RYR2: variants seen among roughly 807,000 people sequenced by gnomAD.
RYR2 encodes ryanodine receptor 2.
Under a neutral mutation model 601.1 loss-of-function variants are expected in RYR2, and 227 were observed. The ratio of observed to expected loss-of-function variants is 0.38; its 90% confidence interval spans 0.34 to 0.42. The LOEUF is 0.42. Ranked by LOEUF, RYR2 falls within the 10% of genes least tolerant of loss-of-function variation. RYR2 has a pLI of 1.00. For synonymous variants in RYR2, 2,223 were observed against 2,175.1 expected, an observed-to-expected ratio of 1.02 and a Z score of -0.61; for missense variants, 4,646 against 6,156.5, an observed-to-expected ratio of 0.75 and a Z score of 8.21.
intron 2 of RYR2, among the ~76,000 whole-genome samples, chr1:237,311,686 C>G (rs1299575314): frequency 6.6e-6 from 1 of 151,916 alleles, no homozygotes; most frequent in Non-Finnish European, 1.5e-5. Context: ...ACCATGTTGC[C>G]CAGTCTAGTC....
At chr1:237,755,377 G>C (rs1330731919) in intron 80 of RYR2, among the ~76,000 whole-genome samples, 2 of 152,062 alleles carry the variant, frequency 1.3e-5, no homozygotes, top group Non-Finnish European at 2.9e-5. Context: ...ATATGTTTTG[G>C]CCGTTGTGTT....
chr1:237,048,191 A>G (rs1660826651), intron 1 of RYR2, among the ~76,000 whole-genome samples: 1 of 152,222 alleles, frequency 6.6e-6, no homozygotes, highest in South Asian at 2.1e-4. Flanking sequence ...AACCTTCAGA[A>G]GACCTGAGTC....
intron 84 of RYR2, among the ~76,000 whole-genome samples, chr1:237,769,613 C>T (rs1280995814): frequency 3.3e-5 from 5 of 152,084 alleles, no homozygotes; most frequent in South Asian, 2.1e-4. Flanking sequence ...TCACAGACTG[C>T]GGACTGGTAA....
chr1:237,798,773 A>G (rs1176404403), intron 97 of RYR2, among the ~76,000 whole-genome samples: 1 of 92,770 alleles, frequency 1.1e-5, no homozygotes, highest in Non-Finnish European at 2.0e-5. Context: ...CTGAATTTAA[A>G]TGTCACACAC....
At chr1:237,197,331 A>G (rs979129539) in intron 1 of RYR2, among the ~76,000 whole-genome samples, 3 of 152,204 alleles carry the variant, frequency 2.0e-5, no homozygotes, top group African/African-American at 7.2e-5. Context: ...CACTGTATCA[A>G]GTTAAATTCC....
intron 1 of RYR2, among the ~76,000 whole-genome samples, chr1:237,121,710 C>G (rs1670796283): frequency 6.6e-6 from 1 of 152,104 alleles, no homozygotes; most frequent in Non-Finnish European, 1.5e-5. Flanking sequence ...GACTGATAGT[C>G]AAGTATATGT....
chr1:237,315,051 A>T (rs1197923182), intron 2 of RYR2, among the ~76,000 whole-genome samples: 2 of 152,104 alleles, frequency 1.3e-5, no homozygotes. Flanking sequence ...GAAGTATGTA[A>T]TTTTTTCACC....
chr1:237,526,018 T>C lies in RYR2; in HGVS notation c.2823-4409T>C, dbSNP rs369742997. On this transcript the variant is annotated intron_variant, in intron 24 of 104. Coordinates refer to ENST00000366574, the MANE Select transcript of RYR2 (RefSeq NM_001035.3). ...TAATAATAAATATAATGATTTCTTTTCCTTTGGGTAGGTATCCAGTTGTGG... is the reference window on the plus strand; with the variant it reads ...TAATAATAAATATAATGATTTCTTTCCCTTTGGGTAGGTATCCAGTTGTGG... 1.1e-4 allele frequency among the ~76,000 whole-genome samples: 16 copies of C among 152,058 alleles called. No homozygotes were observed. The East Asian group carries it at 3.1e-3, about 30-fold the overall frequency.
intron 52 of RYR2, among the ~76,000 whole-genome samples, chr1:237,655,064 T>A (rs1683110171): frequency 6.6e-6 from 1 of 152,190 alleles, no homozygotes; most frequent in African/African-American, 2.4e-5. Flanking sequence ...AACCACTAAT[T>A]TGCTACATAA....
chr1:237,664,463 C>T lies in RYR2; in HGVS notation c.8437-2049C>T, dbSNP rs375217959. On this transcript the variant is annotated intron_variant, in intron 56 of 104. Transcript: ENST00000366574. ...ATGGACTCACAGTTCCACGTGGCTG[C>T]GGAGGCCTCACACTCATGGTGGAAG... is the stretch of plus-strand genomic sequence containing the variant. Among the ~76,000 whole-genome samples, 17 of 152,268 alleles carry T rather than the reference C, an allele frequency of 1.1e-4. No homozygotes were observed. In the East Asian group the frequency reaches 1.5e-3, roughly 14 times the overall value.
chr1:237,412,404 T>C (rs1037625417), intron 10 of RYR2, among the ~76,000 whole-genome samples: 1 of 152,146 alleles, frequency 6.6e-6, no homozygotes, highest in Non-Finnish European at 1.5e-5. Flanking sequence ...CTTACAGCCT[T>C]AAGTCTGGAA....
chr1:237,144,037 G>A (rs1673694805), intron 1 of RYR2, among the ~76,000 whole-genome samples: 1 of 151,998 alleles, frequency 6.6e-6, no homozygotes, highest in Admixed American at 6.6e-5. Flanking sequence ...GCTGAGGCAG[G>A]AGAATTGCTT....
intron 100 of RYR2, among the ~76,000 whole-genome samples, chr1:237,814,627 T>C (rs1382722960): frequency 6.6e-6 from 1 of 151,982 alleles, no homozygotes; most frequent in Non-Finnish European, 1.5e-5. Context: ...CTGATAGAAT[T>C]TGAACCTCCT....
At chr1:237,048,116 T>C (rs1660815310) in intron 1 of RYR2, among the ~76,000 whole-genome samples, 1 of 152,176 alleles carries the variant, frequency 6.6e-6, no homozygotes, top group Admixed American at 6.5e-5. Context: ...TAAGCGACTT[T>C]CCTTCCTAGT....
chr1:237,543,873 C>T (rs1193841006), intron 25 of RYR2, among the ~76,000 whole-genome samples: 5 of 152,116 alleles, frequency 3.3e-5, no homozygotes, highest in Non-Finnish European at 7.4e-5. Context: ...GAATGAAGCA[C>T]AAAACTGAGC....
chr1:237,773,633 T>A lies in RYR2; in HGVS notation c.11760T>A (p.Leu3920=). 1 of 1,611,736 alleles carries A rather than the reference T, an allele frequency of 6.2e-7. No individual in the cohort carries two copies. The highest frequency in any genetic ancestry group is 2.2e-5 in the East Asian group (1 of 44,768). ...TGGCAAAACAAGTCTTTAACACTCT[T>A]ACAGAGTATATTCAGGTAAACATTT... ...IQVAKQVFNT[L]TEYIQGPCTG... Residue 3920 remains leucine, a synonymous_variant, in exon 87 of 105, where the codon CTT becomes CTA. Coordinates refer to ENST00000366574, the MANE Select transcript of RYR2 (RefSeq NM_001035.3).
chr1:237,354,319 C>G (rs946376769), intron 3 of RYR2, among the ~76,000 whole-genome samples: 4 of 151,756 alleles, frequency 2.6e-5, no homozygotes, highest in African/African-American at 9.7e-5. Context: ...AATCCCATAA[C>G]TTTATCTTTG....
chr1:237,331,713 A>T (rs368201250), intron 3 of RYR2, among the ~76,000 whole-genome samples: 3 of 147,806 alleles, frequency 2.0e-5, no homozygotes, highest in Admixed American at 6.8e-5. Context: ...ACGGGGTTTC[A>T]CCATGTTGGC....
At chr1:237,777,645 T>C (rs1409561686) in intron 87 of RYR2, among the ~76,000 whole-genome samples, 1 of 152,186 alleles carries the variant, frequency 6.6e-6, no homozygotes, top group Non-Finnish European at 1.5e-5. Flanking sequence ...AGAAATTGGC[T>C]CCATGAAAAC....
Sources: allele counts gnomAD v4.1 joint callset (sites outside exome capture counted in the v4.1 genomes callset), GRCh38; gene constraint gnomAD v4.1.1; transcripts MANE v1.5; gene names NCBI Gene and HGNC (gene_info 2026-07-23, HGNC 2026-07-21).